Variants in BTN3A2 observed in about 807,000 individuals in gnomAD.
The protein encoded by BTN3A2 is butyrophilin subfamily 3 member A2.
In BTN3A2, 25 loss-of-function variants were observed where a neutral mutation model predicts 37.6. The observed-to-expected ratio is 0.66, with a 90% CI of 0.48 to 0.93. BTN3A2 has a LOEUF of 0.93. Ranked by LOEUF, BTN3A2 falls within the 40% of genes least tolerant of loss-of-function variation. BTN3A2 has a pLI of 0.00. For missense variants in BTN3A2, 266 were observed against 410.9 expected, an observed-to-expected ratio of 0.65 and a Z score of 3.05; for synonymous variants, 122 against 159.4, an observed-to-expected ratio of 0.77 and a Z score of 1.77.
intron 8 of BTN3A2, chr6:26,374,038 C>T (rs1003682626): frequency 1.4e-5 from 5 of 367,344 alleles, no homozygotes; most frequent in Non-Finnish European, 2.4e-5. Context: ...CACCTATGCC[C>T]AGGTACACAT....
intron 3 of BTN3A2, 101 bp downstream of exon 3, chr6:26,368,368 C>A: frequency 1.3e-6 from 2 of 1,529,234 alleles, no homozygotes; most frequent in South Asian, 1.1e-5. Flanking sequence ...CTCTTAGAAC[C>A]TTTAACTCAT....
chr6:26,375,081 A>T (rs1760577971), intron 10 of BTN3A2: 2 of 343,106 alleles, frequency 5.8e-6, no homozygotes, highest in African/African-American at 2.1e-5. Flanking sequence ...GTATCTCCTC[A>T]AAGGATTTAA....
chr6:26,373,183 C>A, intron 6 of BTN3A2, 86 bp downstream of exon 6: 1 of 1,603,228 alleles, frequency 6.2e-7, no homozygotes, highest in African/African-American at 1.3e-5. Flanking sequence ...CCTGGCACTG[C>A]ATCATGTTTA....
chr6:26,372,178 A>G (rs1760184329), intron 5 of BTN3A2, among the ~76,000 whole-genome samples: 1 of 152,262 alleles, frequency 6.6e-6, no homozygotes, highest in Non-Finnish European at 1.5e-5. Context: ...GGACGTGTAT[A>G]GAATGCTATT....
At chr6:26,370,726 C>G (rs1028316608) in intron 5 of BTN3A2, 123 bp downstream of exon 5, 1 of 1,473,466 alleles carries the variant, frequency 6.8e-7, no homozygotes, top group African/African-American at 1.4e-5. Flanking sequence ...AAGCACAGAC[C>G]TGGAGGCTCC....
At position 26,375,992 on chromosome 6, in the gene BTN3A2, G is replaced by T; in HGVS notation, c.*230G>T. The T allele has an allele frequency of 1.2e-6, 1 of 824,302 alleles. No homozygotes were observed. Among genetic ancestry groups the T allele is most frequent in the Non-Finnish European group, 1.9e-6 (1 of 534,600 alleles). The allele number at this position is 824,302 out of a possible 1,614,324, so 51.1% of individuals were successfully genotyped here. On this transcript the variant is annotated 3_prime_UTR_variant, in exon 11 of 11. Transcript: ENST00000377708. ...AAGGCTGAGGAGGGCGGATCACAAG[G>T]TCAGGAGATCAAGACCATCCTGGCT...
Position 26,367,941 on chromosome 6 carries a change from C to T in BTN3A2, c.-66-49C>T. ...TTATGAATATTTTAATATTTTAATG[C>T]AGTAGAGTCAGAGATGTCCTGATCA... On this transcript the variant is annotated intron_variant, in intron 1 of 10. Coordinates refer to ENST00000377708, the MANE Select transcript of BTN3A2 (RefSeq NM_007047.5). The T allele has an allele frequency of 3.5e-6, 3 of 850,616 alleles. No homozygotes were observed. In the South Asian group the frequency reaches 6.9e-5, roughly 20 times the overall value. 52.7% of individuals were successfully genotyped at this position (850,616 alleles called of 1,614,324 possible).
At chr6:26,365,482 GTGT>G (rs1399309418) in intron 1 of BTN3A2, 130 bp downstream of exon 1, 1 of 519,032 alleles carries the variant, frequency 1.9e-6, no homozygotes, top group African/African-American at 2.3e-5. Flanking sequence ...GCCTGTGTGT[GTGT>G]GTGTGTGTGT....
chr6:26,372,806 G>T, intron 5 of BTN3A2, 91 bp from the exon 6 acceptor site: 2 of 1,492,808 alleles, frequency 1.3e-6, no homozygotes, highest in South Asian at 2.4e-5. Context: ...CCCCACCCCC[G>T]ACCTGAGCTG....
At chr6:26,367,212 T>C (rs1759596954) in intron 1 of BTN3A2, among the ~76,000 whole-genome samples, 1 of 152,236 alleles carries the variant, frequency 6.6e-6, no homozygotes. Context: ...GCATTGAATT[T>C]CCTCCTAGGG....
In BTN3A2 at chr6:26,375,806, T is replaced by A; in HGVS notation, c.*44T>A. ...TATCCCCATTTTTCAGGTGAGGAAA[T>A]GCTTCAGATGAGGCTCCACCTTGTT... On this transcript the variant is annotated 3_prime_UTR_variant, in exon 11 of 11. Transcript: ENST00000377708. The A allele has an allele frequency of 6.5e-7, 1 of 1,550,286 alleles. No homozygotes were observed. Among genetic ancestry groups the A allele is most frequent in the Non-Finnish European group, 8.7e-7 (1 of 1,146,190 alleles).
rs34637389 is a variant in BTN3A2, at chr6:26,377,763, C to G, written c.*2001C>G. On this transcript the variant is annotated 3_prime_UTR_variant, in exon 11 of 11. Coordinates refer to ENST00000377708, the MANE Select transcript of BTN3A2 (RefSeq NM_007047.5). ...CCCAGGACAGCTCCAGGATCGAGAT[C>G]ACTGTGAGTGGTTGTGGAGTTAAGA... is the stretch of plus-strand genomic sequence containing the variant. 12,926 of 164,232 alleles carry G rather than the reference C, an allele frequency of 0.079. 725 individuals carry two copies. Among genetic ancestry groups the G allele is most frequent in the Non-Finnish European group, 0.13 (9,471 of 74,316 alleles). The allele number at this position is 164,232 out of a possible 1,614,324, so 10.2% of individuals were successfully genotyped here.
chr6:26,370,224 C>A, intron 4 of BTN3A2, 98 bp from the exon 5 acceptor site: 1 of 1,430,818 alleles, frequency 7.0e-7, no homozygotes. Flanking sequence ...AATGAAATAT[C>A]TCTTGAATTA....
chr6:26,371,022 TG>T (rs1410978076), intron 5 of BTN3A2, among the ~76,000 whole-genome samples: 4 of 152,168 alleles, frequency 2.6e-5, no homozygotes, highest in Non-Finnish European at 4.4e-5. Flanking sequence ...CCCAGCACTT[TG>T]GGAGGCCGAG....
chr6:26,372,693 A>G, intron 5 of BTN3A2: 1 of 569,468 alleles, frequency 1.8e-6, no homozygotes, highest in Non-Finnish European at 3.0e-6. Flanking sequence ...ACATCTCAAG[A>G]TAAGTAATAG....
At chr6:26,373,441 T>G (rs1457743838) in intron 8 of BTN3A2, 28 bp downstream of exon 8, 3 of 1,597,156 alleles carry the variant, frequency 1.9e-6, no homozygotes, top group Non-Finnish European at 2.6e-6. Flanking sequence ...TTTCTCTGAA[T>G]TCAAATCTGT....
At position 26,368,560 on chromosome 6, in the gene BTN3A2, G is replaced by C; in HGVS notation, c.86-5G>C. On this transcript the variant is annotated splice_region_variant and splice_polypyrimidine_tract_variant and intron_variant, in intron 3 of 10. Transcript: ENST00000377708. ...TCTGATGGAGCTTCCCCCTTGTGCTGACAGCTCAGTTTTCTGTGCTTGGAC... is the reference window on the plus strand; with the variant it reads ...TCTGATGGAGCTTCCCCCTTGTGCTCACAGCTCAGTTTTCTGTGCTTGGAC... 6.2e-7 allele frequency: 1 copy of C among 1,613,160 alleles called. No individual in the cohort carries two copies. The highest frequency in any genetic ancestry group is 8.5e-7 in the Non-Finnish European group (1 of 1,179,720).
Position 26,377,483 on chromosome 6 carries a change from T to G in BTN3A2, c.*1721T>G, listed in dbSNP as rs1211281128. On this transcript the variant is annotated 3_prime_UTR_variant, in exon 11 of 11. Coordinates refer to ENST00000377708, the MANE Select transcript of BTN3A2 (RefSeq NM_007047.5). Reference sequence around the variant, plus strand: ...AACAATGACTAACATTAATGGAGAATTTAAAACGTTCTGAGTGCTGTGTTA... The same window carrying G: ...AACAATGACTAACATTAATGGAGAAGTTAAAACGTTCTGAGTGCTGTGTTA... The G allele has an allele frequency of 2.7e-6, 1 of 376,814 alleles. No individual in the cohort carries two copies. The highest frequency in any genetic ancestry group is 5.0e-6 in the Non-Finnish European group (1 of 199,968). 23.3% of individuals were successfully genotyped at this position (376,814 alleles called of 1,614,324 possible).
chr6:26,373,612 G>A (rs910742488), intron 8 of BTN3A2, 199 bp downstream of exon 8: 1 of 516,498 alleles, frequency 1.9e-6, no homozygotes, highest in Non-Finnish European at 3.2e-6. Context: ...AAAAAAAGAG[G>A]TCTTCAATCT....
Sources: gnomAD v4.1 joint callset for allele counts (sites outside exome capture counted in the v4.1 genomes callset) on GRCh38, gnomAD v4.1.1 for gene constraint, MANE v1.5 for transcripts, NCBI Gene and HGNC (gene_info 2026-07-23, HGNC 2026-07-21) for gene names.